CDH5: variants seen among roughly 807,000 people sequenced by gnomAD.
CDH5 encodes cadherin-5.
A neutral mutation model predicts 62.0 loss-of-function variants in CDH5; 28 were observed. The ratio of observed to expected loss-of-function variants is 0.45; its 90% CI spans 0.33 to 0.62. The LOEUF is 0.62. Among genes scored for constraint, CDH5 ranks in the 20% least tolerant of loss-of-function variants. The pLI is 0.02. For missense variants in CDH5, 940 were observed against 1,065.1 expected, an observed-to-expected ratio of 0.88 and a Z score of 1.63; for synonymous variants, 464 against 445.8, an observed-to-expected ratio of 1.04 and a Z score of -0.52.
intron 6 of CDH5, 21 bp from the exon 7 acceptor site, chr16:66,392,115 C>T: frequency 6.2e-7 from 1 of 1,613,728 alleles, no homozygotes; most frequent in Non-Finnish European, 8.5e-7. Flanking sequence ...CAGGCACTCA[C>T]CATCCTTTTT....
At chr16:66,381,800 C>T (rs1960903751) in intron 2 of CDH5, among the ~76,000 whole-genome samples, 2 of 152,240 alleles carry the variant, frequency 1.3e-5, no homozygotes. Context: ...CACAGCCACA[C>T]TCATTCATCT....
chr16:66,391,545 G>A (rs1457929291), intron 6 of CDH5, among the ~76,000 whole-genome samples: 1 of 152,110 alleles, frequency 6.6e-6, no homozygotes, highest in Non-Finnish European at 1.5e-5. Flanking sequence ...GGCCGAGGCA[G>A]GTGGATCACC....
chr16:66,385,408 T>C lies in CDH5; in HGVS notation c.211-1401T>C, dbSNP rs115222181. The stretch of plus-strand genomic sequence containing the variant: ...AAATGGTTCTGTGGTCTAAGAAGTA[T>C]GGAAAATCCTGAGTTACACAAAGCT... On this transcript the variant is annotated intron_variant, in intron 2 of 11. Transcript: ENST00000341529. 8.0e-3 allele frequency among the ~76,000 whole-genome samples: 1,225 copies of C among 152,340 alleles called. 11 individuals are homozygous for C. Among genetic ancestry groups the C allele is most frequent in the African/African-American group, 0.027 (1,130 of 41,566 alleles).
At chr16:66,389,741 C>A (rs1308300855) in intron 5 of CDH5, among the ~76,000 whole-genome samples, 1 of 152,180 alleles carries the variant, frequency 6.6e-6, no homozygotes, top group Non-Finnish European at 1.5e-5. Context: ...ACAATCCCCT[C>A]ATAGGCCAGA....
rs114964470 is a variant in CDH5, at chr16:66,384,420, C to T, written c.211-2389C>T. ...GTCCAGCCTTTCTAAAGAGTCCTCA[C>T]CAGATGCCTTCACACAAAAGCCCTT... On this transcript the variant is annotated intron_variant, in intron 2 of 11. Transcript: ENST00000341529. Among the ~76,000 whole-genome samples the T allele has an allele frequency of 3.2e-3, 480 of 151,836 alleles. 1 individual carries two copies. The highest frequency in any genetic ancestry group is 0.011 in the African/African-American group (460 of 41,438).
intron 1 of CDH5, among the ~76,000 whole-genome samples, chr16:66,368,466 G>C (rs1376981201): frequency 3.3e-5 from 5 of 152,240 alleles, no homozygotes; most frequent in African/African-American, 1.2e-4. Context: ...ACAAGGGCCG[G>C]ACATGAGGGC....
intron 8 of CDH5, among the ~76,000 whole-genome samples, chr16:66,396,846 G>C (rs891837638): frequency 6.6e-6 from 1 of 152,068 alleles, no homozygotes; most frequent in Non-Finnish European, 1.5e-5. Context: ...AGCCCGCTAG[G>C]CCAAGGATCC....
chr16:66,385,049 A>G (rs921673809), intron 2 of CDH5, among the ~76,000 whole-genome samples: 6 of 119,884 alleles, frequency 5.0e-5, no homozygotes, highest in Non-Finnish European at 6.1e-5. Flanking sequence ...GAGAGCCACA[A>G]TGGGATCTGT....
intron 2 of CDH5, among the ~76,000 whole-genome samples, chr16:66,385,285 GC>G (rs1960963962): frequency 1.3e-5 from 2 of 152,022 alleles, no homozygotes; most frequent in African/African-American, 4.8e-5. Flanking sequence ...ATAATTATTA[GC>G]TAGCATTTAT....
chr16:66,398,394 A>C, intron 9 of CDH5, 62 bp from the exon 10 acceptor site: 1 of 1,068,172 alleles, frequency 9.4e-7, no homozygotes, highest in Non-Finnish European at 1.4e-6. Flanking sequence ...CCATCGCTAA[A>C]CCTCAGACCA....
At chr16:66,395,043 T>TTTTTTTTTTG in intron 7 of CDH5, among the ~76,000 whole-genome samples, 1 of 102,992 alleles carries the variant, frequency 9.7e-6, no homozygotes, top group Non-Finnish European at 1.9e-5. Flanking sequence ...TTTTTTTTTT[T>TTTTTTTTTTG]TTTTTTTTTT....
intron 10 of CDH5, among the ~76,000 whole-genome samples, chr16:66,400,386 AT>A (rs751056975): frequency 6.6e-6 from 1 of 152,164 alleles, no homozygotes; most frequent in African/African-American, 2.4e-5. Flanking sequence ...TTAAAACTTT[AT>A]TTTTCCCCGC....
Position 66,402,877 on chromosome 16 carries a change from T to C in CDH5, c.2063T>C (p.Val688Ala), listed in dbSNP as rs1318862225. 2.1e-5 allele frequency: 33 copies of C among 1,608,588 alleles called. No homozygotes were observed. Among genetic ancestry groups the C allele is most frequent in the Non-Finnish European group, 2.7e-5 (32 of 1,178,548 alleles). The change falls in exon 12 of 12, where the codon GTG becomes GCG. Residue 688 changes from valine to alanine, a missense_variant. Transcript: ENST00000341529. ...LDARPSLYAQ[V>A]QKPPRHAPGA... is the part of the protein sequence containing the mutation. Reference sequence around the variant, plus strand: ...GCCCGGCCTTCCCTCTATGCGCAGGTGCAGAAGCCACCGAGGCACGCGCCT... The same window carrying C: ...GCCCGGCCTTCCCTCTATGCGCAGGCGCAGAAGCCACCGAGGCACGCGCCT...
rs939386991 is a variant in CDH5, at chr16:66,387,842, C to G, written c.500-482C>G. Among the ~76,000 whole-genome samples, 3 of 152,278 alleles carry G rather than the reference C, an allele frequency of 2.0e-5. No individual in the cohort carries two copies. The South Asian group carries it at 6.2e-4, about 32-fold the overall frequency. ...TGGGCTCAGGAGGTTACTACTCCAC[C>G]TCTTCAGTACACCTCAGACTCCAGA... On this transcript the variant is annotated intron_variant, in intron 3 of 11. Transcript: ENST00000341529.
At chr16:66,392,432 T>C in intron 7 of CDH5, 49 bp downstream of exon 7, 1 of 1,606,966 alleles carries the variant, frequency 6.2e-7, no homozygotes, top group Non-Finnish European at 8.5e-7. Context: ...CCGGCCTGGA[T>C]GTTCCTATGC....
intron 2 of CDH5, 24 bp downstream of exon 2, chr16:66,379,571 G>A (rs1473207960): frequency 1.2e-6 from 2 of 1,608,420 alleles, no homozygotes; most frequent in Non-Finnish European, 1.7e-6. Flanking sequence ...CCCAGGACAG[G>A]AGAAGCCATC....
intron 1 of CDH5, chr16:66,376,709 C>T (rs1359166584): frequency 6.6e-6 from 1 of 152,292 alleles, no homozygotes; most frequent in Non-Finnish European, 1.5e-5. Flanking sequence ...TCCCAGAGGC[C>T]TTCCTGGCCT....
At chr16:66,385,005 C>T (rs1214692887) in intron 2 of CDH5, among the ~76,000 whole-genome samples, 1 of 152,140 alleles carries the variant, frequency 6.6e-6, no homozygotes, top group Non-Finnish European at 1.5e-5. Flanking sequence ...ACTTCCTCAG[C>T]ATGCCAGCCT....
chr16:66,397,832 T>G, intron 8 of CDH5, 150 bp from the exon 9 acceptor site: 5 of 779,954 alleles, frequency 6.4e-6, no homozygotes, highest in Non-Finnish European at 1.0e-5. Flanking sequence ...ACCAAACTCC[T>G]TTTATCCAGA....
Sources: gnomAD v4.1 joint callset for allele counts (sites outside exome capture counted in the v4.1 genomes callset) on GRCh38, gnomAD v4.1.1 for gene constraint, MANE v1.5 for transcripts, NCBI Gene and HGNC (gene_info 2026-07-23, HGNC 2026-07-21) for gene names.